FHIT: variants seen among roughly 807,000 people sequenced by gnomAD.
FHIT encodes the protein bis(5'-adenosyl)-triphosphatase.
FHIT carries 19 observed loss-of-function variants against 17.9 expected under a neutral mutation model. The observed-to-expected ratio is 1.06, with a 90% CI of 0.74 to 1.56. The LOEUF is 1.56. Ranked by LOEUF, FHIT falls within the 40% of genes most tolerant of loss-of-function variation. FHIT has a pLI of 0.00. For synonymous variants in FHIT, 81 were observed against 69.7 expected, an observed-to-expected ratio of 1.16 and a Z score of -0.81; for missense variants, 248 against 189.2, an observed-to-expected ratio of 1.31 and a Z score of -1.82.
intron 1 of FHIT, among the ~76,000 whole-genome samples, chr3:61,216,015 C>T (rs1014310055): frequency 4.6e-5 from 7 of 152,088 alleles, no homozygotes; most frequent in East Asian, 1.9e-4. Flanking sequence ...AAGACTTAAA[C>T]ATTAGACCTA....
chr3:60,436,760 G>T (rs1056828487), intron 5 of FHIT, among the ~76,000 whole-genome samples: 1 of 151,954 alleles, frequency 6.6e-6, no homozygotes, highest in Non-Finnish European at 1.5e-5. Flanking sequence ...GCCAAAAGAG[G>T]TTTCTTTTTA....
At chr3:60,871,202 T>C (rs1330971389) in intron 3 of FHIT, among the ~76,000 whole-genome samples, 1 of 152,160 alleles carries the variant, frequency 6.6e-6, no homozygotes. Context: ...ATCAGAAGCA[T>C]TATAATAAGT....
intron 4 of FHIT, among the ~76,000 whole-genome samples, chr3:60,706,637 C>A (rs1553703637): frequency 6.6e-6 from 1 of 152,100 alleles, no homozygotes; most frequent in Non-Finnish European, 1.5e-5. Context: ...GTCTGACACA[C>A]TATGGAAAGT....
intron 4 of FHIT, among the ~76,000 whole-genome samples, chr3:60,570,841 G>A (rs1699764343): frequency 6.7e-6 from 1 of 150,104 alleles, no homozygotes; most frequent in Non-Finnish European, 1.5e-5. Context: ...ATCCACTACT[G>A]TCAACACAAA....
chr3:59,778,078 A>G (rs919564337), intron 8 of FHIT, among the ~76,000 whole-genome samples: 1 of 152,158 alleles, frequency 6.6e-6, no homozygotes. Context: ...CTCTCCTACT[A>G]GAGTAATCTC....
intron 2 of FHIT, among the ~76,000 whole-genome samples, chr3:61,179,985 A>G (rs1363652350): frequency 3.9e-5 from 6 of 152,214 alleles, no homozygotes; most frequent in Non-Finnish European, 8.8e-5. Context: ...AAATTGACAT[A>G]AAACAACCAT....
rs1709344521 is a variant in FHIT at position 60,319,916 on chromosome 3, A to G, written c.103+216944T>C. 2.0e-5 allele frequency among the ~76,000 whole-genome samples: 3 copies of G among 152,278 alleles called. No individual in the cohort carries two copies. The South Asian group carries it at 6.2e-4, about 32-fold the overall frequency. ...TGCCTACACAAAACAGGGTTTTATC[A>G]GGAAGAAAAACAGGAAAACGACCTA... On this transcript the variant is annotated intron_variant, in intron 5 of 9. Coordinates refer to ENST00000492590, the MANE Select transcript of FHIT (RefSeq NM_002012.4).
At chr3:60,006,931 TACAA>T (rs1319604702) in intron 7 of FHIT, among the ~76,000 whole-genome samples, 2 of 152,204 alleles carry the variant, frequency 1.3e-5, no homozygotes, top group African/African-American at 2.4e-5. Flanking sequence ...ATTATACTTC[TACAA>T]ATAATTATCT....
rs905584087 is a variant in FHIT, at chr3:60,378,781, G to A, written c.103+158079C>T. ...CCTGACCTTCAGACACACTGGCCAT[G>A]CCAGGGATGCAGAGTTCACAGTGAT... On this transcript the variant is annotated intron_variant, in intron 5 of 9. Transcript: ENST00000492590. Among the ~76,000 whole-genome samples the A allele has an allele frequency of 2.6e-5, 4 of 152,350 alleles. No homozygotes were observed. The South Asian group carries it at 6.2e-4, about 24-fold the overall frequency.
intron 5 of FHIT, among the ~76,000 whole-genome samples, chr3:60,199,175 T>G (rs985802119): frequency 1.3e-5 from 2 of 152,284 alleles, no homozygotes; most frequent in African/African-American, 4.8e-5. Flanking sequence ...AAAGTTGGTC[T>G]TTTATTCCTG....
chr3:60,712,716 A>G (rs1212100820), intron 4 of FHIT, among the ~76,000 whole-genome samples: 1 of 149,870 alleles, frequency 6.7e-6, no homozygotes, highest in Non-Finnish European at 1.5e-5. Flanking sequence ...CAATTCAACA[A>G]GAAGAGCTAA....
intron 5 of FHIT, among the ~76,000 whole-genome samples, chr3:60,033,278 C>T (rs1701077803): frequency 6.6e-6 from 1 of 152,024 alleles, no homozygotes; most frequent in Non-Finnish European, 1.5e-5. Flanking sequence ...GGGGGATCAC[C>T]TGAGGCCAGG....
intron 5 of FHIT, among the ~76,000 whole-genome samples, chr3:60,273,068 C>T (rs527620460): frequency 1.3e-5 from 2 of 152,150 alleles, no homozygotes; most frequent in Admixed American, 1.3e-4. Context: ...TGGTTTCTTA[C>T]AACATTAGGC....
intron 3 of FHIT, among the ~76,000 whole-genome samples, chr3:61,033,949 G>C (rs951399394): frequency 2.6e-5 from 4 of 152,126 alleles, no homozygotes; most frequent in Non-Finnish European, 4.4e-5. Flanking sequence ...CTCCACAAAG[G>C]AGACACTCTG....
intron 4 of FHIT, among the ~76,000 whole-genome samples, chr3:60,711,918 G>A (rs1449869696): frequency 6.6e-6 from 1 of 152,092 alleles, no homozygotes; most frequent in South Asian, 2.1e-4. Flanking sequence ...AGGAAATACA[G>A]AGAACGCCAC....
intron 2 of FHIT, among the ~76,000 whole-genome samples, chr3:61,046,806 G>T (rs974363422): frequency 6.6e-6 from 1 of 152,186 alleles, no homozygotes; most frequent in South Asian, 2.1e-4. Flanking sequence ...GATCAAGTTG[G>T]CTTCATCCCT....
At chr3:59,932,497 C>G (rs3772445) in intron 7 of FHIT, among the ~76,000 whole-genome samples, 67,976 of 151,954 alleles carry the variant, frequency 0.45, 15,311 homozygotes, top group East Asian at 0.51. Context: ...CTCATCCAGA[C>G]TAGGAAAGGG....
chr3:60,345,191 G>A (rs1264853730), intron 5 of FHIT, among the ~76,000 whole-genome samples: 1 of 152,078 alleles, frequency 6.6e-6, no homozygotes, highest in Admixed American at 6.5e-5. Flanking sequence ...CTCCTATTAG[G>A]GACATCCAGT....
At chr3:61,207,398 C>T (rs1427233925) in intron 1 of FHIT, among the ~76,000 whole-genome samples, 1 of 152,144 alleles carries the variant, frequency 6.6e-6, no homozygotes, top group African/African-American at 2.4e-5. Flanking sequence ...GAACTGGTAC[C>T]AGCTCCTCCT....
Sources: allele counts gnomAD v4.1 joint callset (sites outside exome capture counted in the v4.1 genomes callset), GRCh38; gene constraint gnomAD v4.1.1; transcripts MANE v1.5; gene names NCBI Gene and HGNC (gene_info 2026-07-23, HGNC 2026-07-21).